The following FANCB variants were observed in gnomAD, a reference collection of about 807,000 sequenced individuals.
The protein encoded by FANCB is Fanconi anemia group B protein.
A neutral mutation model predicts 38.9 loss-of-function variants in FANCB; 5 were observed. The ratio of observed to expected loss-of-function variants is 0.13; its 90% confidence interval spans 0.07 to 0.27. The LOEUF (loss-of-function observed/expected upper bound fraction) is 0.27. Among genes scored for constraint, FANCB ranks in the 10% least tolerant of loss-of-function variants. FANCB has a pLI of 1.00. For missense variants in FANCB, 573 were observed against 602.7 expected (o/e 0.95, Z 0.52); for synonymous variants, 236 against 215.4 (o/e 1.10, Z -0.84).
At chrX:14,724,001 G>C in the FANCB span, among the ~76,000 whole-genome samples, 1 of 111,792 alleles carries the variant, frequency 8.9e-6, no homozygotes, top group African/African-American at 3.3e-5. Context: ...ACATAGCACA[G>C]TGCCTGGCAT....
the FANCB span, among the ~76,000 whole-genome samples, chrX:14,742,127 T>A: frequency 9.0e-6 from 1 of 111,727 alleles, no homozygotes; most frequent in East Asian, 2.8e-4. Context: ...AATATCAATA[T>A]CATACCTCAA....
At chrX:14,690,941 C>T in the FANCB span, 10 of 1,015,279 alleles carry the variant, frequency 9.8e-6, no homozygotes, top group Middle Eastern at 2.6e-4. Flanking sequence ...GAAGAGCACA[C>T]AATAAGCAAG....
chrX:14,699,462 C>T, the FANCB span, among the ~76,000 whole-genome samples: 1 of 112,018 alleles, frequency 8.9e-6, no homozygotes, highest in Non-Finnish European at 1.9e-5. Flanking sequence ...TTAATTGACA[C>T]ATAATAGTTG....
At chrX:14,700,442 A>G in the FANCB span, among the ~76,000 whole-genome samples, 2 of 111,303 alleles carry the variant, frequency 1.8e-5, no homozygotes, top group Admixed American at 9.6e-5. Context: ...AGGCAGGGGG[A>G]AAGGAGCCCA....
Position 14,850,594 on chromosome X carries a change from T to C in FANCB, c.1407A>G (p.Gln469=), listed in dbSNP as rs2092396901. 2 of 1,192,078 alleles carry C rather than the reference T, an allele frequency of 1.7e-6. No homozygotes were observed. The highest frequency in any genetic ancestry group is 5.9e-5 in the East Asian group (2 of 33,732). The change falls in exon 7 of 10, where the codon CAA becomes CAG. Residue 469 remains glutamine, a synonymous_variant. Coordinates refer to ENST00000650831, the MANE Select transcript of FANCB (RefSeq NM_001018113.3). ...TCTTCTCTACTAGCTGTTCTGAATCTTGAAAATTGTCTGATAACTTTTCAT... is the reference window on the plus strand; with the variant it reads ...TCTTCTCTACTAGCTGTTCTGAATCCTGAAAATTGTCTGATAACTTTTCAT... The part of the protein sequence containing the change: ...ILDEKLSDNF[Q]DSEQLVEKIW...
chrX:14,842,392 C>G (rs774715265), downstream of FANCB, among the ~76,000 whole-genome samples: 14 of 111,924 alleles, frequency 1.3e-4, no homozygotes, highest in East Asian at 5.6e-4. Context: ...GCCACAAGCA[C>G]GAGATGCCAC....
chrX:14,797,589 G>A, the FANCB span, among the ~76,000 whole-genome samples: 2 of 108,734 alleles, frequency 1.8e-5, no homozygotes, highest in Non-Finnish European at 3.8e-5. Flanking sequence ...GGCTGAGACA[G>A]GAGAATTGCT....
the FANCB span, among the ~76,000 whole-genome samples, chrX:14,776,151 C>A: frequency 9.0e-6 from 1 of 111,157 alleles, no homozygotes; most frequent in African/African-American, 3.3e-5. Context: ...GAGAGCCCTG[C>A]AATGGCAGGA....
chrX:14,857,430 T>C (rs1235252865), intron 5 of FANCB, among the ~76,000 whole-genome samples: 1 of 111,943 alleles, frequency 8.9e-6, no homozygotes, highest in Non-Finnish European at 1.9e-5. Context: ...TTACAGGGAA[T>C]GTTCATTACC....
chrX:14,773,612 G>A, the FANCB span, among the ~76,000 whole-genome samples: 1 of 111,858 alleles, frequency 8.9e-6, no homozygotes, highest in Non-Finnish European at 1.9e-5. Flanking sequence ...ACAAAGGCAT[G>A]GAGGAGGGGA....
chrX:14,849,104 A>G (rs1477457891), intron 7 of FANCB, among the ~76,000 whole-genome samples: 1 of 112,170 alleles, frequency 8.9e-6, no homozygotes, highest in African/African-American at 3.2e-5. Context: ...TTTATAAACT[A>G]GTATAGCCTT....
At chrX:14,785,958 C>T in the FANCB span, among the ~76,000 whole-genome samples, 1 of 111,421 alleles carries the variant, frequency 9.0e-6, no homozygotes, top group Non-Finnish European at 1.9e-5. Context: ...CTTGGGAATG[C>T]CTAGAAAAGT....
the FANCB span, among the ~76,000 whole-genome samples, chrX:14,803,227 CT>C: frequency 2.7e-5 from 3 of 112,030 alleles, no homozygotes; most frequent in African/African-American, 9.7e-5. Context: ...GGGTCCTGAT[CT>C]CACAAATTTG....
the FANCB span, among the ~76,000 whole-genome samples, chrX:14,715,613 G>A: frequency 9.0e-6 from 1 of 111,670 alleles, no homozygotes; most frequent in Non-Finnish European, 1.9e-5. Context: ...AGGATCAGGG[G>A]TCAAGAAAAG....
the FANCB span, among the ~76,000 whole-genome samples, chrX:14,736,176 G>T: frequency 4.5e-5 from 5 of 111,142 alleles, no homozygotes; most frequent in Non-Finnish European, 9.4e-5. Flanking sequence ...TGGGCTCCGT[G>T]GGGGTGGAAT....
At chrX:14,780,898 T>G in the FANCB span, among the ~76,000 whole-genome samples, 1 of 109,964 alleles carries the variant, frequency 9.1e-6, no homozygotes, top group South Asian at 3.8e-4. Flanking sequence ...TGGACGAATT[T>G]GGCCCAAGAA....
chrX:14,839,738 C>T (rs1050596691), downstream of FANCB, among the ~76,000 whole-genome samples: 31 of 111,671 alleles, frequency 2.8e-4, no homozygotes, highest in African/African-American at 9.4e-4. Flanking sequence ...TTGTAATAAA[C>T]TGTTTCTATC....
intron 5 of FANCB, 86 bp from the exon 6 acceptor site, chrX:14,853,253 A>C: frequency 1.2e-6 from 1 of 845,591 alleles, no homozygotes; most frequent in Non-Finnish European, 1.7e-6. Flanking sequence ...TACTTTCTCC[A>C]AATGTGCTTA....
At position 14,844,649 on chromosome X, in the gene FANCB, C is replaced by G. The variant is rs1416043928; in HGVS notation, c.2019G>C (p.Lys673Asn). The part of the protein sequence containing the change: ...TSPGYALNSM[K>N]VWLLEHMKCE... ...ATTTCATATGTTCTAAGAGCCACAC[C>G]TTCATTGAATTCAGGGCATAGCCGG... is the stretch of plus-strand genomic sequence containing the variant. The change falls in exon 9 of 10, where the codon AAG becomes AAC. Residue 673 changes from lysine (K) to asparagine (N), a missense_variant. By Grantham distance (94) the Lys-to-Asn change is moderately conservative. Transcript: ENST00000650831. 2.5e-6 allele frequency: 3 copies of G among 1,209,554 alleles called. No individual in the cohort carries two copies. Among genetic ancestry groups the G allele is most frequent in the Non-Finnish European group, 1.1e-6 (1 of 893,592 alleles).
Sources: gnomAD v4.1 joint callset for allele counts (sites outside exome capture counted in the v4.1 genomes callset) on GRCh38, gnomAD v4.1.1 for gene constraint, MANE v1.5 for transcripts, NCBI Gene and HGNC (gene_info 2026-07-23, HGNC 2026-07-21) for gene names.